The following ROBO2 variants were observed in gnomAD, a reference collection of about 807,000 sequenced individuals.
ROBO2 encodes the protein roundabout homolog 2.
ROBO2 carries 53 observed loss-of-function variants against 160.8 expected under a neutral mutation model. The observed-to-expected ratio is 0.33, with a 90% CI of 0.26 to 0.41. The LOEUF (loss-of-function observed/expected upper bound fraction) is 0.41. Among genes scored for constraint, ROBO2 ranks in the 10% least tolerant of loss-of-function variants. The pLI, the probability that ROBO2 is intolerant of heterozygous loss-of-function variation, is 1.00. For missense variants in ROBO2, 1,577 were observed against 1,722.4 expected (o/e 0.92, Z 1.49); for synonymous variants, 664 against 611.7 (o/e 1.09, Z -1.26).
At chr3:76,336,797 A>T (rs2073919977) in intron 2 of ROBO2, among the ~76,000 whole-genome samples, 1 of 152,168 alleles carries the variant, frequency 6.6e-6, no homozygotes, top group African/African-American at 2.4e-5. Flanking sequence ...ATATAAATAC[A>T]TTCGAAAGAT....
chr3:76,765,950 C>T (rs2061556074), intron 2 of ROBO2, among the ~76,000 whole-genome samples: 1 of 151,660 alleles, frequency 6.6e-6, no homozygotes, highest in Non-Finnish European at 1.5e-5. Flanking sequence ...GACTCAGATC[C>T]CAACTTTATT....
rs146472614 is a variant in ROBO2 at position 77,314,008 on chromosome 3, G to A, written c.389-163406G>A. The stretch of plus-strand genomic sequence containing the variant: ...TGGCATAAGTATTGACTTTCCTTCA[G>A]TATCCAGGGTGAAGGAATGTTGACA... On this transcript the variant is annotated intron_variant, in intron 2 of 25. Coordinates refer to ENST00000461745, the Ensembl canonical transcript of ROBO2. 9.9e-3 allele frequency among the ~76,000 whole-genome samples: 1,506 copies of A among 152,300 alleles called. 14 individuals carry two copies. Among genetic ancestry groups the A allele is most frequent in the Middle Eastern group, 0.024 (7 of 294 alleles).
intron 2 of ROBO2, among the ~76,000 whole-genome samples, chr3:76,193,736 A>G (rs933929175): frequency 2.0e-5 from 3 of 152,242 alleles, no homozygotes; most frequent in African/African-American, 7.2e-5. Context: ...ATATCTTCCT[A>G]GAAAATGTTG....
intron 2 of ROBO2, among the ~76,000 whole-genome samples, chr3:76,935,835 C>T (rs1023064685): frequency 6.6e-6 from 1 of 152,180 alleles, no homozygotes; most frequent in Admixed American, 6.5e-5. Flanking sequence ...AAGGAGCTCT[C>T]TGGGGTCTTT....
At chr3:77,535,785 G>A (rs1435974748) in intron 6 of ROBO2, among the ~76,000 whole-genome samples, 1 of 152,044 alleles carries the variant, frequency 6.6e-6, no homozygotes, top group African/African-American at 2.4e-5. Context: ...GATTTTCCTA[G>A]GGATCTCTCA....
rs188923502 is a variant in ROBO2, at chr3:76,963,621, G to A, written c.110-134393G>A. Among the ~76,000 whole-genome samples, 282 of 152,122 alleles carry A rather than the reference G, an allele frequency of 1.9e-3. 2 individuals are homozygous for A. Among genetic ancestry groups the A allele is most frequent in the African/African-American group, 6.5e-3 (268 of 41,548 alleles). On this transcript the variant is annotated intron_variant, in intron 2 of 26. Coordinates refer to the ROBO2 transcript ENST00000487694. ...AGCTCTGTGTAAACTTTTACAGACA[G>A]TAAAGCAGTGATTTTATAATAAAAG...
At chr3:77,398,400 A>ATTTTGG (rs2075477293) in intron 2 of ROBO2, among the ~76,000 whole-genome samples, 2 of 53,016 alleles carry the variant, frequency 3.8e-5, no homozygotes, top group East Asian at 6.9e-4. Context: ...TTGTTCTTGA[A>ATTTTGG]ACAATCAGAG....
chr3:75,907,148 G>A (rs1185108066), intron 1 of ROBO2, among the ~76,000 whole-genome samples: 6 of 152,192 alleles, frequency 3.9e-5, no homozygotes, highest in Non-Finnish European at 7.3e-5. Flanking sequence ...GGCCAGCGTG[G>A]GGGCATTCGG....
intron 2 of ROBO2, among the ~76,000 whole-genome samples, chr3:76,753,792 G>A (rs1462176506): frequency 1.3e-5 from 2 of 151,942 alleles, no homozygotes; most frequent in East Asian, 3.9e-4. Context: ...AGTAGGGGCT[G>A]CTCTTAGCAT....
chr3:76,226,842 G>T (rs1174108967), intron 2 of ROBO2, among the ~76,000 whole-genome samples: 1 of 152,080 alleles, frequency 6.6e-6, no homozygotes, highest in Non-Finnish European at 1.5e-5. Context: ...TCCATTGCTT[G>T]CCTGTATTTG....
intron 2 of ROBO2, among the ~76,000 whole-genome samples, chr3:76,337,038 T>A (rs2073939552): frequency 6.6e-6 from 1 of 152,144 alleles, no homozygotes; most frequent in Non-Finnish European, 1.5e-5. Context: ...AAGATAAAAT[T>A]GTGTCCAGCA....
intron 2 of ROBO2, among the ~76,000 whole-genome samples, chr3:76,862,209 T>G (rs2070859322): frequency 1.3e-5 from 2 of 152,126 alleles, no homozygotes; most frequent in South Asian, 4.1e-4. Context: ...TTACATCTTA[T>G]TACCCAGAAA....
intron 2 of ROBO2, among the ~76,000 whole-genome samples, chr3:77,456,554 C>T (rs9872416): frequency 0.46 from 70,484 of 151,928 alleles, 16,783 homozygotes; most frequent in African/African-American, 0.54. Flanking sequence ...AATTCAGTGG[C>T]GAATCCAAAA....
chr3:76,119,353 A>G (rs2070621127), intron 2 of ROBO2, among the ~76,000 whole-genome samples: 1 of 151,272 alleles, frequency 6.6e-6, no homozygotes, highest in South Asian at 2.1e-4. Context: ...AACTTTCGTA[A>G]TTTTTTTTTA....
chr3:77,439,169 CT>C (rs764534611), intron 2 of ROBO2, among the ~76,000 whole-genome samples: 1 of 151,990 alleles, frequency 6.6e-6, no homozygotes, highest in Non-Finnish European at 1.5e-5. Context: ...CTAGAACATT[CT>C]ATTTACTATT....
At chr3:75,923,395 C>A (rs935883793) in intron 1 of ROBO2, among the ~76,000 whole-genome samples, 1 of 152,178 alleles carries the variant, frequency 6.6e-6, no homozygotes, top group African/African-American at 2.4e-5. Flanking sequence ...CGTTTAGGGG[C>A]AGACACCCTA....
intron 2 of ROBO2, among the ~76,000 whole-genome samples, chr3:76,489,154 G>GTTT (rs367830368): frequency 2.8e-4 from 32 of 113,506 alleles, no homozygotes; most frequent in Admixed American, 4.5e-4. Flanking sequence ...TCTTTTTTTT[G>GTTT]TTTTTTTTTT....
chr3:76,253,543 G>T (rs1299214300), intron 2 of ROBO2, among the ~76,000 whole-genome samples: 1 of 150,270 alleles, frequency 6.7e-6, no homozygotes, highest in Non-Finnish European at 1.5e-5. Context: ...AAGGTGTTGG[G>T]ATTACAGACA....
chr3:77,050,258 T>G (rs555016579), intron 1 of ROBO2, among the ~76,000 whole-genome samples: 1 of 152,288 alleles, frequency 6.6e-6, no homozygotes, highest in South Asian at 2.1e-4. Flanking sequence ...ATTGTTCCAT[T>G]AAATCAGAGA....
Sources: allele counts gnomAD v4.1 joint callset (sites outside exome capture counted in the v4.1 genomes callset), GRCh38; gene constraint gnomAD v4.1.1; transcripts MANE v1.5; gene names NCBI Gene and HGNC (gene_info 2026-07-23, HGNC 2026-07-21).